The following ROBO1 variants were observed in gnomAD, a reference collection of about 807,000 sequenced individuals.
ROBO1 encodes the protein roundabout homolog 1.
In ROBO1, 149 loss-of-function variants were observed where a neutral mutation model predicts 195.9. That is an observed-to-expected ratio of 0.76 (90% confidence interval 0.67 to 0.87). The LOEUF is 0.87. Among genes scored for constraint, ROBO1 ranks in the 40% least tolerant of loss-of-function variants. The pLI is 0.00. For missense variants in ROBO1, 1,933 were observed against 2,068.3 expected (o/e 0.93, Z 1.27); for synonymous variants, 816 against 733.2 (o/e 1.11, Z -1.82).
chr3:79,607,095 G>GCACACACA (rs35692271), intron 1 of ROBO1, among the ~76,000 whole-genome samples: 11,561 of 139,882 alleles, frequency 0.083, 554 homozygotes, highest in Middle Eastern at 0.16. Flanking sequence ...ATTAAAACCT[G>GCACACACA]CACACACACA....
intron 2 of ROBO1, among the ~76,000 whole-genome samples, chr3:79,563,339 A>C (rs1942986278): frequency 6.6e-6 from 1 of 152,118 alleles, no homozygotes; most frequent in African/African-American, 2.4e-5. Context: ...ATAAGATGTA[A>C]TCAGAAACAC....
chr3:78,961,941 G>GTT (rs74866184), intron 3 of ROBO1, among the ~76,000 whole-genome samples: 2,995 of 141,758 alleles, frequency 0.021, 68 homozygotes, highest in Middle Eastern at 0.13. Flanking sequence ...TTTGTTTTTT[G>GTT]TTTTTTTTTT....
chr3:79,500,678 G>T (rs1168321161), intron 2 of ROBO1, among the ~76,000 whole-genome samples: 1 of 152,174 alleles, frequency 6.6e-6, no homozygotes, highest in African/African-American at 2.4e-5. Context: ...AAGTTGAGGA[G>T]GACAGAAAGG....
intron 5 of ROBO1, among the ~76,000 whole-genome samples, chr3:78,721,676 A>C (rs2082048138): frequency 1.3e-5 from 2 of 152,218 alleles, no homozygotes; most frequent in Non-Finnish European, 2.9e-5. Flanking sequence ...AGACATATTC[A>C]AATACATAGA....
chr3:79,209,677 A>T (rs1185148053), intron 2 of ROBO1, among the ~76,000 whole-genome samples: 3 of 152,034 alleles, frequency 2.0e-5, no homozygotes, highest in South Asian at 2.1e-4. Flanking sequence ...TTATTTTTTA[A>T]TTTTTTTAAA....
At chr3:79,548,840 C>A (rs11922030) in intron 2 of ROBO1, among the ~76,000 whole-genome samples, 13,871 of 152,166 alleles carry the variant, frequency 0.091, 658 homozygotes, top group Middle Eastern at 0.16. Context: ...GTTTTTGAAT[C>A]ATTGCTTGCT....
chr3:79,369,633 C>T (rs1353344687), intron 2 of ROBO1, among the ~76,000 whole-genome samples: 1 of 151,876 alleles, frequency 6.6e-6, no homozygotes, highest in Non-Finnish European at 1.5e-5. Context: ...AACATGTGTA[C>T]AGTTTCATGA....
At chr3:78,965,498 G>C (rs892428357) in intron 3 of ROBO1, among the ~76,000 whole-genome samples, 26 of 151,892 alleles carry the variant, frequency 1.7e-4, no homozygotes. Context: ...ATGTTCTTTG[G>C]GGGAAAGTTC....
intron 2 of ROBO1, among the ~76,000 whole-genome samples, chr3:79,567,002 C>T (rs141936885): frequency 0.017 from 2,581 of 152,184 alleles, 47 homozygotes; most frequent in Middle Eastern, 0.078. Context: ...TGGAATCAAC[C>T]TAAATGCCCA....
At chr3:78,789,186 G>A (rs2083942536) in intron 4 of ROBO1, among the ~76,000 whole-genome samples, 1 of 152,092 alleles carries the variant, frequency 6.6e-6, no homozygotes, top group African/African-American at 2.4e-5. Flanking sequence ...AGTCATCACT[G>A]GTTTTGTGCC....
intron 2 of ROBO1, among the ~76,000 whole-genome samples, chr3:79,264,613 T>C (rs1165208033): frequency 1.3e-5 from 2 of 151,946 alleles, no homozygotes; most frequent in Non-Finnish European, 2.9e-5. Context: ...ACTAAATATA[T>C]GTTGAAACAA....
At chr3:79,340,621 T>A (rs151053154) in intron 2 of ROBO1, among the ~76,000 whole-genome samples, 3 of 152,306 alleles carry the variant, frequency 2.0e-5, no homozygotes, top group Non-Finnish European at 2.9e-5. Flanking sequence ...ACGGTAAGAA[T>A]AAAATGTCAC....
intron 2 of ROBO1, among the ~76,000 whole-genome samples, chr3:79,414,268 G>C (rs181525364): frequency 1.3e-5 from 2 of 151,636 alleles, no homozygotes; most frequent in East Asian, 3.9e-4. Context: ...ATGTGTGCGT[G>C]TGTCTTCAAC....
intron 3 of ROBO1, among the ~76,000 whole-genome samples, chr3:78,948,405 G>C (rs1430948528): frequency 6.6e-6 from 1 of 152,102 alleles, no homozygotes; most frequent in Non-Finnish European, 1.5e-5. Flanking sequence ...CAGAACCAAA[G>C]ACAAAAACCA....
chr3:78,841,193 G>GAATCAT (rs1437184275), intron 4 of ROBO1, among the ~76,000 whole-genome samples: 2 of 151,914 alleles, frequency 1.3e-5, no homozygotes, highest in Non-Finnish European at 2.9e-5. Flanking sequence ...TGAGGAATAA[G>GAATCAT]AATCATGGAT....
In ROBO1 at chr3:78,597,395, T is replaced by TTTTC. The variant is rs1702883680; in HGVS notation, c.*1514_*1517dup. The TTTTC allele has an allele frequency of 6.6e-6, 1 of 152,570 alleles. No individual in the cohort carries two copies. Among genetic ancestry groups the TTTTC allele is most frequent in the African/African-American group, 2.4e-5 (1 of 41,446 alleles). The allele number at this position is 152,570 out of a possible 1,614,324, so 9.5% of individuals were successfully genotyped here. A position where few individuals can be genotyped will look rare whatever the true frequency, so the allele number is the denominator to read the frequency against. On this transcript the variant is annotated 3_prime_UTR_variant, in exon 31 of 31. Coordinates refer to ENST00000464233, the MANE Select transcript of ROBO1 (RefSeq NM_002941.4). ...GATTGTTCCCTTAGTACTGCACGCC[T>TTTTC]TTTCTATGGAACTTTTTCAAATTAT... is the stretch of plus-strand genomic sequence containing the variant.
intron 4 of ROBO1, among the ~76,000 whole-genome samples, chr3:78,931,612 T>C (rs1346171744): frequency 1.3e-5 from 2 of 152,234 alleles, no homozygotes; most frequent in East Asian, 1.9e-4. Flanking sequence ...CCACCAAGGG[T>C]ATTTAACCAT....
intron 2 of ROBO1, among the ~76,000 whole-genome samples, chr3:79,426,957 C>T (rs2038472168): frequency 6.6e-6 from 1 of 151,992 alleles, no homozygotes. Context: ...CAAATAAAAA[C>T]AAAAAGTCTA....
At chr3:79,173,060 C>A (rs1458371392) in intron 2 of ROBO1, among the ~76,000 whole-genome samples, 1 of 152,140 alleles carries the variant, frequency 6.6e-6, no homozygotes, top group Non-Finnish European at 1.5e-5. Flanking sequence ...TTGTCTCAAC[C>A]AATGAGAGTA....
Sources: allele counts gnomAD v4.1 joint callset (sites outside exome capture counted in the v4.1 genomes callset), GRCh38; gene constraint gnomAD v4.1.1; transcripts MANE v1.5; gene names NCBI Gene and HGNC (gene_info 2026-07-23, HGNC 2026-07-21).